Variants in CFAP161 observed in about 807,000 individuals in gnomAD.
CFAP161 encodes the protein cilia- and flagella-associated protein 161.
Under a neutral mutation model 29.0 loss-of-function variants are expected in CFAP161, and 25 were observed. That is an observed-to-expected ratio of 0.86 (90% CI 0.63 to 1.20). The LOEUF (loss-of-function observed/expected upper bound fraction) is 1.20, where lower values mean the gene tolerates loss of function less well. Ranked by LOEUF, CFAP161 falls within the 50% of genes most tolerant of loss-of-function variation. The probability of loss-of-function intolerance (pLI) is 0.00; values close to 1 mark genes in which losing one functional copy is unlikely to be tolerated. For synonymous variants in CFAP161, 116 were observed against 137.4 expected, an observed-to-expected ratio of 0.84 and a Z score of 1.09; for missense variants, 367 against 371.9, an observed-to-expected ratio of 0.99 and a Z score of 0.11.
chr15:81,145,106 G>C (rs1331879637), intron 5 of CFAP161, among the ~76,000 whole-genome samples: 1 of 152,182 alleles, frequency 6.6e-6, no homozygotes, highest in African/African-American at 2.4e-5. Flanking sequence ...AGCAAGCATG[G>C]CCAGGGTTCG....
chr15:81,146,636 A>G (rs3922551), intron 5 of CFAP161, among the ~76,000 whole-genome samples: 28 of 151,734 alleles, frequency 1.8e-4, no homozygotes, highest in African/African-American at 5.3e-4. Context: ...GTGTCACTCA[A>G]TGATGGGGAT....
chr15:81,145,688 C>G (rs1170532901), intron 5 of CFAP161, among the ~76,000 whole-genome samples: 1 of 152,146 alleles, frequency 6.6e-6, no homozygotes, highest in Non-Finnish European at 1.5e-5. Flanking sequence ...CCTGTCTGAG[C>G]TACCTTGCAC....
intron 4 of CFAP161, among the ~76,000 whole-genome samples, chr15:81,140,315 A>G (rs985260957): frequency 6.6e-6 from 1 of 152,216 alleles, no homozygotes; most frequent in Non-Finnish European, 1.5e-5. Context: ...GATGTTTGCA[A>G]TTTGACTTTT....
chr15:81,144,413 G>A (rs939772007), intron 5 of CFAP161, among the ~76,000 whole-genome samples: 2 of 152,082 alleles, frequency 1.3e-5, no homozygotes, highest in African/African-American at 2.4e-5. Context: ...TGGGCAACAT[G>A]GCAAAACCCC....
At chr15:81,118,045 C>CT in intron 1 of CFAP161, 1 of 507,634 alleles carries the variant, frequency 2.0e-6, no homozygotes. Flanking sequence ...GAGGTCCAGG[C>CT]TTTTTAGACA....
intron 1 of CFAP161, among the ~76,000 whole-genome samples, chr15:81,109,861 A>G (rs1329080157): frequency 6.6e-6 from 1 of 152,158 alleles, no homozygotes; most frequent in Non-Finnish European, 1.5e-5. Flanking sequence ...CATCTTCAAC[A>G]TTGCCTCATC....
At chr15:81,131,170 A>C (rs140237532), upstream of CFAP161, among the ~76,000 whole-genome samples, 1 of 151,844 alleles carries the variant, frequency 6.6e-6, no homozygotes, top group Admixed American at 6.5e-5. Context: ...CAATATCTGC[A>C]AAGTGCAATA....
intron 1 of CFAP161, among the ~76,000 whole-genome samples, chr15:81,123,974 T>C (rs914474491): frequency 3.3e-5 from 5 of 152,220 alleles, no homozygotes; most frequent in Non-Finnish European, 7.3e-5. Flanking sequence ...TAGGATCATG[T>C]CATCTACAAA....
chr15:81,100,969 C>T (rs1894297415), intron 1 of CFAP161, among the ~76,000 whole-genome samples: 1 of 152,154 alleles, frequency 6.6e-6, no homozygotes, highest in Non-Finnish European at 1.5e-5. Context: ...ATAACTTGGC[C>T]ACCAACTTGG....
At chr15:81,107,778 A>G (rs1894389851) in intron 1 of CFAP161, among the ~76,000 whole-genome samples, 1 of 152,164 alleles carries the variant, frequency 6.6e-6, no homozygotes, top group South Asian at 2.1e-4. Flanking sequence ...TATAATATTG[A>G]ATTATTTTCT....
intron 1 of CFAP161, among the ~76,000 whole-genome samples, chr15:81,123,287 T>C (rs1259998845): frequency 6.6e-6 from 1 of 152,234 alleles, no homozygotes; most frequent in African/African-American, 2.4e-5. Context: ...CAGCATTATT[T>C]ATTAAATGGG....
chr15:81,116,692 C>T (rs1894503024), intron 1 of CFAP161, among the ~76,000 whole-genome samples: 1 of 152,146 alleles, frequency 6.6e-6, no homozygotes, highest in Non-Finnish European at 1.5e-5. Context: ...CTGGTCATGA[C>T]ATTGGGTGGC....
upstream of CFAP161, among the ~76,000 whole-genome samples, chr15:81,130,561 G>T (rs147093663): frequency 0.013 from 1,999 of 152,318 alleles, 14 homozygotes; most frequent in Admixed American, 0.025. Flanking sequence ...TTAGCTGGGT[G>T]TGGTGGCATG....
At chr15:81,145,946 C>T (rs980107426) in intron 5 of CFAP161, among the ~76,000 whole-genome samples, 1 of 152,116 alleles carries the variant, frequency 6.6e-6, no homozygotes, top group Non-Finnish European at 1.5e-5. Context: ...CTCAATAAAT[C>T]TTATCTCTAG....
At position 81,136,510 on chromosome 15, in the gene CFAP161, T is replaced by C; in HGVS notation, c.160-6T>C. On this transcript the variant is annotated splice_region_variant and splice_polypyrimidine_tract_variant and intron_variant, in intron 2 of 6. Transcript: ENST00000286732. ...TTTATGTAATAAACTACTATCAAAA[T>C]TGTAGATGCAACTTTCCGTAACTGA... 6.2e-7 allele frequency: 1 copy of C among 1,613,382 alleles called. No individual in the cohort carries two copies. The highest frequency in any genetic ancestry group is 8.5e-7 in the Non-Finnish European group (1 of 1,179,284).
chr15:81,138,172 C>A, intron 4 of CFAP161, 37 bp downstream of exon 4: 2 of 1,522,846 alleles, frequency 1.3e-6, no homozygotes, highest in South Asian at 1.1e-5. Flanking sequence ...TTGGATCAGT[C>A]ATTTCTGTTG....
chr15:81,123,162 A>C (rs1046955310), intron 1 of CFAP161, among the ~76,000 whole-genome samples: 11 of 152,066 alleles, frequency 7.2e-5, no homozygotes, highest in African/African-American at 2.7e-4. Context: ...TAGGGTTTTT[A>C]TAGTTTTAGG....
intron 1 of CFAP161, among the ~76,000 whole-genome samples, chr15:81,115,723 C>T (rs1894489198): frequency 6.6e-6 from 1 of 152,140 alleles, no homozygotes; most frequent in African/African-American, 2.4e-5. Context: ...TCTGTCACTG[C>T]AGCTGGAGTG....
chr15:81,142,697 G>C (rs1485893305), intron 4 of CFAP161, among the ~76,000 whole-genome samples: 1 of 152,228 alleles, frequency 6.6e-6, no homozygotes, highest in African/African-American at 2.4e-5. Flanking sequence ...GTGCCTCACA[G>C]CACAGCCTTG....
Sources: gnomAD v4.1 joint callset for allele counts (sites outside exome capture counted in the v4.1 genomes callset) on GRCh38, gnomAD v4.1.1 for gene constraint, MANE v1.5 for transcripts, NCBI Gene and HGNC (gene_info 2026-07-23, HGNC 2026-07-21) for gene names.